Variants in DLGAP1 observed in about 807,000 individuals in gnomAD.
DLGAP1 encodes the protein DLG associated protein 1, also known as disks large-associated protein 1.
DLGAP1 carries 11 observed loss-of-function variants against 90.8 expected under a neutral mutation model. That is an observed-to-expected ratio of 0.12 (90% CI 0.08 to 0.20). The LOEUF (loss-of-function observed/expected upper bound fraction) is 0.20. DLGAP1 is among the 10% of genes least tolerant of loss of function. The probability of loss-of-function intolerance (pLI) is 1.00; values close to 1 mark genes in which losing one functional copy is unlikely to be tolerated. For synonymous variants in DLGAP1, 558 were observed against 540.7 expected, an observed-to-expected ratio of 1.03 and a Z score of -0.44; for missense variants, 1,050 against 1,333.8, an observed-to-expected ratio of 0.79 and a Z score of 3.31.
intron 1 of DLGAP1, among the ~76,000 whole-genome samples, chr18:4,332,626 A>G (rs971270236): frequency 2.0e-4 from 30 of 151,984 alleles, no homozygotes; most frequent in African/African-American, 6.3e-4. Context: ...GAATGGACCA[A>G]TACAAAAGGC....
intron 3 of DLGAP1, among the ~76,000 whole-genome samples, chr18:3,895,280 T>TACAC (rs35493688): frequency 0.093 from 12,707 of 137,222 alleles, 666 homozygotes; most frequent in African/African-American, 0.13. Context: ...GGATGTTTAT[T>TACAC]ACACACACAC....
At chr18:3,648,649 T>C (rs1467759692) in intron 7 of DLGAP1, among the ~76,000 whole-genome samples, 1 of 152,250 alleles carries the variant, frequency 6.6e-6, no homozygotes, top group South Asian at 2.1e-4. Context: ...AATTAGACCA[T>C]TGTCTTTAAG....
At chr18:4,001,680 C>A (rs2149074743) in intron 3 of DLGAP1, among the ~76,000 whole-genome samples, 1 of 152,280 alleles carries the variant, frequency 6.6e-6, no homozygotes, top group South Asian at 2.1e-4. Flanking sequence ...TTGCTCCTAT[C>A]ATCTATTTCC....
intron 1 of DLGAP1, among the ~76,000 whole-genome samples, chr18:4,416,727 T>C (rs957019245): frequency 3.3e-5 from 5 of 152,206 alleles, no homozygotes; most frequent in Admixed American, 1.3e-4. Context: ...ATAGGAAATA[T>C]GCATTAATCA....
intron 5 of DLGAP1, among the ~76,000 whole-genome samples, chr18:3,797,908 T>C (rs769981598): frequency 6.6e-6 from 1 of 152,172 alleles, no homozygotes; most frequent in African/African-American, 2.4e-5. Context: ...TGAGGGCAGG[T>C]TCCCCCATAC....
rs1874615730 is a variant in DLGAP1 at position 3,711,897 on chromosome 18, G to A, written c.1591+17238C>T. On this transcript the variant is annotated intron_variant, in intron 7 of 12. Coordinates refer to ENST00000315677, the MANE Select transcript of DLGAP1 (RefSeq NM_004746.4). This position sits in a 1 kb window ranked among gnomAD's most constrained non-coding sequence, Gnocchi z 4.0. ...AAGACAGAAATGCATCGGAGTATGA[G>A]GTTGTGGTTTAGGGATGGGGAGTGT... is the stretch of plus-strand genomic sequence containing the variant. Among the ~76,000 whole-genome samples, 2 of 152,114 alleles carry A rather than the reference G, an allele frequency of 1.3e-5. No individual in the cohort carries two copies. The highest frequency in any genetic ancestry group is 4.8e-5 in the African/African-American group (2 of 41,440).
intron 3 of DLGAP1, among the ~76,000 whole-genome samples, chr18:3,950,384 C>G (rs2072960875): frequency 1.3e-5 from 2 of 152,228 alleles, no homozygotes; most frequent in Non-Finnish European, 2.9e-5. Context: ...CAAATCCCCT[C>G]TGGAACAACA....
intron 9 of DLGAP1, among the ~76,000 whole-genome samples, chr18:3,545,537 C>T (rs2052963363): frequency 6.6e-6 from 1 of 151,942 alleles, no homozygotes; most frequent in African/African-American, 2.4e-5. Context: ...CTATATATTG[C>T]CTATGAAAAA....
intron 4 of DLGAP1, among the ~76,000 whole-genome samples, chr18:3,862,190 T>C (rs1211327818): frequency 2.0e-5 from 3 of 152,182 alleles, no homozygotes; most frequent in Non-Finnish European, 4.4e-5. Flanking sequence ...CAGGAGTCTT[T>C]TGGGTAACAC....
At chr18:4,347,841 T>C (rs1243923781) in intron 1 of DLGAP1, among the ~76,000 whole-genome samples, 1 of 152,096 alleles carries the variant, frequency 6.6e-6, no homozygotes, top group Non-Finnish European at 1.5e-5. Flanking sequence ...TTAAAGGTAT[T>C]AGAATTGGTA....
At chr18:4,152,568 A>T (rs573965373) in intron 1 of DLGAP1, among the ~76,000 whole-genome samples, 1 of 152,248 alleles carries the variant, frequency 6.6e-6, no homozygotes, top group African/African-American at 2.4e-5. Flanking sequence ...GTTCAGGGCT[A>T]GTACAATTCT....
intron 2 of DLGAP1, among the ~76,000 whole-genome samples, chr18:4,123,176 A>G (rs538622580): frequency 6.6e-6 from 1 of 152,254 alleles, no homozygotes; most frequent in South Asian, 2.1e-4. Context: ...GGGAAGCACC[A>G]GCCTATGTAG....
intron 10 of DLGAP1, among the ~76,000 whole-genome samples, chr18:3,532,200 G>A (rs2052050369): frequency 6.6e-6 from 1 of 152,124 alleles, no homozygotes; most frequent in Admixed American, 6.5e-5. Flanking sequence ...TACAAATGGT[G>A]GAGACAAGAC....
At chr18:3,764,986 A>G (rs1244635178) in intron 5 of DLGAP1, among the ~76,000 whole-genome samples, 1 of 152,064 alleles carries the variant, frequency 6.6e-6, no homozygotes, top group Admixed American at 6.6e-5. Context: ...CCAGAGGTGT[A>G]GCTGAGTCTG....
chr18:3,764,603 C>T lies in DLGAP1; in HGVS notation c.1173-22091G>A, dbSNP rs532260758. Among the ~76,000 whole-genome samples the T allele has an allele frequency of 1.2e-4, 19 of 152,236 alleles. No homozygotes were observed. The South Asian group carries it at 2.7e-3, about 22-fold the overall frequency. ...TACATCTATGCTGTTTTCCCATTTTCGAAATCATCCCAAACCATCAATTTT... is the reference window on the plus strand; with the variant it reads ...TACATCTATGCTGTTTTCCCATTTTTGAAATCATCCCAAACCATCAATTTT... On this transcript the variant is annotated intron_variant, in intron 5 of 12. Coordinates refer to ENST00000315677, the MANE Select transcript of DLGAP1 (RefSeq NM_004746.4).
intron 2 of DLGAP1, among the ~76,000 whole-genome samples, chr18:4,082,946 T>A (rs2075632649): frequency 6.6e-6 from 1 of 152,090 alleles, no homozygotes; most frequent in Non-Finnish European, 1.5e-5. Context: ...TCCTTAACAA[T>A]TTTTGAGTAA....
At chr18:4,120,944 C>T (rs2076144316) in intron 2 of DLGAP1, among the ~76,000 whole-genome samples, 2 of 152,124 alleles carry the variant, frequency 1.3e-5, no homozygotes, top group Non-Finnish European at 2.9e-5. Context: ...AGACACAGAC[C>T]CTGTTCTCAG....
At chr18:4,339,087 C>A (rs2081134615) in intron 1 of DLGAP1, among the ~76,000 whole-genome samples, 1 of 152,180 alleles carries the variant, frequency 6.6e-6, no homozygotes, top group South Asian at 2.1e-4. Flanking sequence ...AGGGTCCTGA[C>A]TTTAGACTCA....
intron 1 of DLGAP1, among the ~76,000 whole-genome samples, chr18:4,290,683 G>C (rs1004086354): frequency 4.6e-5 from 7 of 152,148 alleles, no homozygotes; most frequent in Non-Finnish European, 8.8e-5. Context: ...AACAAGAAAA[G>C]GCCATATGCT....
Sources: allele counts gnomAD v4.1 joint callset (sites outside exome capture counted in the v4.1 genomes callset), GRCh38; gene constraint gnomAD v4.1.1; non-coding constraint Gnocchi (gnomAD v3.1); transcripts MANE v1.5; gene names NCBI Gene and HGNC (gene_info 2026-07-23, HGNC 2026-07-21).